The following RTL4 variants were observed in gnomAD, a reference collection of about 807,000 sequenced individuals.
RTL4 encodes the protein retrotransposon Gag-like protein 4.
RTL4 carries 4 observed loss-of-function variants against 5.3 expected under a neutral mutation model. The ratio of observed to expected loss-of-function variants is 0.75; its 90% CI spans 0.37 to 1.72. RTL4 has a LOEUF of 1.72. RTL4 is among the 40% of genes most tolerant of loss of function. RTL4 has a pLI of 0.04. For missense variants in RTL4, 260 were observed against 227.1 expected (o/e 1.14, Z -0.93); for synonymous variants, 98 against 87.3 (o/e 1.12, Z -0.68).
chrX:112,321,534 C>CAA, the RTL4 span, among the ~76,000 whole-genome samples: 6 of 36,372 alleles, frequency 1.6e-4, no homozygotes, highest in African/African-American at 3.8e-4. Flanking sequence ...GACTCCGTCT[C>CAA]AAAAAAAAAA....
chrX:112,424,432 T>G, the RTL4 span, among the ~76,000 whole-genome samples: 1 of 111,361 alleles, frequency 9.0e-6, no homozygotes, highest in Non-Finnish European at 1.9e-5. Flanking sequence ...AGTCTGATTA[T>G]CATTGTGTGA....
chrX:112,205,314 G>T, the RTL4 span, among the ~76,000 whole-genome samples: 1 of 110,984 alleles, frequency 9.0e-6, no homozygotes, highest in Non-Finnish European at 1.9e-5. Context: ...TCTTATACAA[G>T]GTCATTAAGA....
At chrX:112,189,982 TTC>T in the RTL4 span, among the ~76,000 whole-genome samples, 3 of 111,830 alleles carry the variant, frequency 2.7e-5, no homozygotes, top group African/African-American at 9.8e-5. Context: ...AAGATAAGCC[TTC>T]TCTCTTCATT....
the RTL4 span, among the ~76,000 whole-genome samples, chrX:112,131,052 G>C: frequency 2.8e-5 from 3 of 108,545 alleles, no homozygotes; most frequent in Admixed American, 2.0e-4. Context: ...ACCTGCCTCG[G>C]CCTCCCAAAC....
At chrX:112,397,847 C>T in the RTL4 span, among the ~76,000 whole-genome samples, 1 of 111,805 alleles carries the variant, frequency 8.9e-6, no homozygotes, top group Non-Finnish European at 1.9e-5. Flanking sequence ...ACCTTATACC[C>T]TTTAACACTG....
At chrX:112,195,192 T>C in the RTL4 span, among the ~76,000 whole-genome samples, 1 of 111,601 alleles carries the variant, frequency 9.0e-6, no homozygotes, top group African/African-American at 3.3e-5. Flanking sequence ...TCAGTTGTTT[T>C]AGTTGGTGGA....
chrX:112,212,270 G>C, the RTL4 span, among the ~76,000 whole-genome samples: 3 of 111,363 alleles, frequency 2.7e-5, no homozygotes, highest in Admixed American at 1.9e-4. Context: ...CCAGATGCTC[G>C]GGAGGCTGAG....
the RTL4 span, among the ~76,000 whole-genome samples, chrX:112,169,003 C>CCTTT: frequency 5.7e-5 from 4 of 70,661 alleles, no homozygotes; most frequent in Non-Finnish European, 8.3e-5. Context: ...TCCTTTCTTT[C>CCTTT]CTTTCTTTCT....
the RTL4 span, among the ~76,000 whole-genome samples, chrX:112,240,224 C>A: frequency 1.3e-4 from 15 of 111,555 alleles, no homozygotes; most frequent in Non-Finnish European, 2.8e-4. Context: ...AGACAAGGAA[C>A]AATCAGTAAA....
At chrX:112,261,350 G>C in the RTL4 span, among the ~76,000 whole-genome samples, 1 of 109,560 alleles carries the variant, frequency 9.1e-6, no homozygotes, top group Non-Finnish European at 1.9e-5. Context: ...AAAGTCTCAG[G>C]ATACAAAATC....
the RTL4 span, among the ~76,000 whole-genome samples, chrX:112,283,375 C>CTCT: frequency 1.8e-5 from 2 of 111,492 alleles, no homozygotes; most frequent in Non-Finnish European, 3.8e-5. Flanking sequence ...GCCAGAAGTT[C>CTCT]TCTCCTCCAG....
the RTL4 span, among the ~76,000 whole-genome samples, chrX:112,280,124 G>C: frequency 9.0e-6 from 1 of 111,715 alleles, no homozygotes; most frequent in African/African-American, 3.2e-5. Context: ...GAAAATCTAT[G>C]AGTCAGCAAT....
At chrX:112,421,783 G>C in the RTL4 span, among the ~76,000 whole-genome samples, 1 of 111,976 alleles carries the variant, frequency 8.9e-6, no homozygotes, top group South Asian at 3.7e-4. Context: ...TATTCTTAAT[G>C]GTTTTGTGTT....
chrX:112,398,530 G>C, the RTL4 span, among the ~76,000 whole-genome samples: 2 of 106,472 alleles, frequency 1.9e-5, no homozygotes, highest in African/African-American at 6.9e-5. Context: ...CTCCCAAGTA[G>C]CTGGGACCAC....
upstream of RTL4, among the ~76,000 whole-genome samples, chrX:112,450,162 G>A (rs1034709246): frequency 1.8e-5 from 2 of 112,147 alleles, no homozygotes; most frequent in African/African-American, 6.5e-5. Flanking sequence ...TCTCTTATAA[G>A]CAGCAGGGTA....
At chrX:112,258,372 C>T in the RTL4 span, among the ~76,000 whole-genome samples, 3 of 109,819 alleles carry the variant, frequency 2.7e-5, no homozygotes, top group South Asian at 1.1e-3. Context: ...AATAGGGGAA[C>T]ACGTGCATGT....
At chrX:112,353,662 A>G in the RTL4 span, among the ~76,000 whole-genome samples, 1 of 110,226 alleles carries the variant, frequency 9.1e-6, no homozygotes, top group East Asian at 2.9e-4. Context: ...GAAGGGGAAC[A>G]TCACACTCCG....
chrX:112,202,574 A>ATTATTG, the RTL4 span, among the ~76,000 whole-genome samples: 1 of 105,300 alleles, frequency 9.5e-6, no homozygotes, highest in Non-Finnish European at 1.9e-5. Context: ...TATTATTATT[A>ATTATTG]TTATGAGACA....
the RTL4 span, among the ~76,000 whole-genome samples, chrX:112,320,901 G>A: frequency 3.7e-3 from 411 of 111,609 alleles, no homozygotes; most frequent in African/African-American, 0.013. Context: ...AAAGTGTTTA[G>A]CTTTGCTCCT....
Sources: allele counts gnomAD v4.1 joint callset (sites outside exome capture counted in the v4.1 genomes callset), GRCh38; gene constraint gnomAD v4.1.1; transcripts MANE v1.5; gene names NCBI Gene and HGNC (gene_info 2026-07-23, HGNC 2026-07-21).